The following AGTPBP1 variants were observed in gnomAD, a reference collection of about 807,000 sequenced individuals.
AGTPBP1 encodes the protein cytosolic carboxypeptidase 1.
Under a neutral mutation model 143.9 loss-of-function variants are expected in AGTPBP1, and 70 were observed. The ratio of observed to expected loss-of-function variants is 0.49; its 90% CI spans 0.40 to 0.59. The LOEUF (loss-of-function observed/expected upper bound fraction) is 0.59, where lower values mean the gene tolerates loss of function less well. AGTPBP1 is among the 20% of genes least tolerant of loss of function. AGTPBP1 has a pLI of 0.00. For missense variants in AGTPBP1, 1,229 were observed against 1,464.5 expected (o/e 0.84, Z 2.62); for synonymous variants, 463 against 500.2 (o/e 0.93, Z 0.99).
intron 2 of AGTPBP1, among the ~76,000 whole-genome samples, chr9:85,697,427 G>A (rs1166845346): frequency 4.0e-5 from 6 of 148,716 alleles, no homozygotes; most frequent in Non-Finnish European, 8.9e-5. Flanking sequence ...ATAAATTATG[G>A]GTCTTAATTT....
chr9:85,774,217 C>CTATT, the AGTPBP1 span, among the ~76,000 whole-genome samples: 5 of 152,156 alleles, frequency 3.3e-5, no homozygotes, highest in Admixed American at 2.6e-4. Flanking sequence ...TGTTGTAGGG[C>CTATT]TATTCATGCT....
intron 17 of AGTPBP1, among the ~76,000 whole-genome samples, chr9:85,599,002 G>A (rs1039696923): frequency 4.6e-5 from 7 of 152,164 alleles, no homozygotes; most frequent in Admixed American, 2.0e-4. Context: ...GATTACAGGC[G>A]TGAGCCACCG....
At chr9:85,771,871 A>G in the AGTPBP1 span, among the ~76,000 whole-genome samples, 5 of 151,714 alleles carry the variant, frequency 3.3e-5, no homozygotes, top group Admixed American at 3.3e-4. Flanking sequence ...TGTTAGACAG[A>G]GATGGTCTCG....
intron 1 of AGTPBP1, among the ~76,000 whole-genome samples, chr9:85,717,676 C>CTT (rs775415618): frequency 7.5e-4 from 101 of 135,568 alleles, no homozygotes; most frequent in African/African-American, 2.6e-3. Context: ...GATGAGTATC[C>CTT]TTTTTTTTTT....
At chr9:85,794,782 G>T in the AGTPBP1 span, among the ~76,000 whole-genome samples, 5 of 152,094 alleles carry the variant, frequency 3.3e-5, no homozygotes, top group African/African-American at 1.2e-4. Flanking sequence ...ATGAACATGG[G>T]CTGTCTTTCC....
At chr9:85,639,906 C>T (rs1014063928) in intron 13 of AGTPBP1, among the ~76,000 whole-genome samples, 1 of 152,202 alleles carries the variant, frequency 6.6e-6, no homozygotes, top group Non-Finnish European at 1.5e-5. Flanking sequence ...TAATACCATA[C>T]GTTGCCTTCG....
At chr9:85,793,170 T>C in the AGTPBP1 span, among the ~76,000 whole-genome samples, 1 of 152,166 alleles carries the variant, frequency 6.6e-6, no homozygotes, top group African/African-American at 2.4e-5. Context: ...TGGCCACCAG[T>C]TTTTGGCTAT....
At chr9:85,576,605 A>T (rs1486505720) in intron 24 of AGTPBP1, among the ~76,000 whole-genome samples, 1 of 152,216 alleles carries the variant, frequency 6.6e-6, no homozygotes, top group Non-Finnish European at 1.5e-5. Flanking sequence ...AAGAATACTG[A>T]CAGCCTAAAA....
At chr9:85,576,434 T>A (rs1048891598) in intron 24 of AGTPBP1, among the ~76,000 whole-genome samples, 1 of 152,218 alleles carries the variant, frequency 6.6e-6, no homozygotes, top group Non-Finnish European at 1.5e-5. Context: ...TTTACAGTTA[T>A]TTTTAAATTT....
At chr9:85,627,616 G>C (rs1481286695) in intron 14 of AGTPBP1, among the ~76,000 whole-genome samples, 1 of 152,124 alleles carries the variant, frequency 6.6e-6, no homozygotes, top group Non-Finnish European at 1.5e-5. Context: ...GAACAACACA[G>C]GTTTCAACTG....
intron 3 of AGTPBP1, among the ~76,000 whole-genome samples, chr9:85,686,888 C>G (rs1338285734): frequency 6.6e-6 from 1 of 152,042 alleles, no homozygotes; most frequent in East Asian, 1.9e-4. Flanking sequence ...AGCAAAATGG[C>G]AGATGTAAAT....
intron 23 of AGTPBP1, among the ~76,000 whole-genome samples, chr9:85,580,286 A>G (rs1284759881): frequency 1.3e-5 from 2 of 151,580 alleles, no homozygotes; most frequent in African/African-American, 4.8e-5. Context: ...TATATTTTCT[A>G]ATTTTTTGTT....
At chr9:85,584,719 T>A (rs1828496609) in intron 23 of AGTPBP1, among the ~76,000 whole-genome samples, 1 of 152,132 alleles carries the variant, frequency 6.6e-6, no homozygotes, top group Non-Finnish European at 1.5e-5. Flanking sequence ...AATGATCAAC[T>A]GGGGGCAGGA....
intron 3 of AGTPBP1, among the ~76,000 whole-genome samples, chr9:85,692,310 G>A (rs1032598482): frequency 9.0e-5 from 13 of 143,670 alleles, no homozygotes; most frequent in African/African-American, 3.1e-4. Context: ...GAGTCTTGCT[G>A]TCGCCCAGGC....
intron 3 of AGTPBP1, among the ~76,000 whole-genome samples, chr9:85,687,384 T>C (rs897209536): frequency 5.3e-5 from 8 of 152,188 alleles, no homozygotes; most frequent in African/African-American, 1.4e-4. Context: ...TTGATACTTA[T>C]AGAACACTTC....
At chr9:85,576,454 T>C (rs184591668) in intron 24 of AGTPBP1, among the ~76,000 whole-genome samples, 260 of 152,330 alleles carry the variant, frequency 1.7e-3, no homozygotes, top group Non-Finnish European at 2.9e-3. Flanking sequence ...TTTCAACTTT[T>C]TGGTTTAAAT....
At chr9:85,744,881 T>C (rs1168411565), upstream of AGTPBP1, among the ~76,000 whole-genome samples, 2 of 152,270 alleles carry the variant, frequency 1.3e-5, no homozygotes, top group Admixed American at 6.5e-5. Flanking sequence ...ATCATACTTT[T>C]ATCTCTCTAC....
intron 13 of AGTPBP1, among the ~76,000 whole-genome samples, chr9:85,634,193 C>CA (rs112565067): frequency 0.22 from 12,054 of 54,872 alleles, 1,293 homozygotes; most frequent in African/African-American, 0.3. Flanking sequence ...GACTCTCTCT[C>CA]AAAAAAAAAA....
chr9:85,752,049 T>TA, the AGTPBP1 span, among the ~76,000 whole-genome samples: 1 of 151,456 alleles, frequency 6.6e-6, no homozygotes, highest in Non-Finnish European at 1.5e-5. Context: ...GCCAACATGG[T>TA]AAAACCCTAT....
Sources: allele counts gnomAD v4.1 joint callset (sites outside exome capture counted in the v4.1 genomes callset), GRCh38; gene constraint gnomAD v4.1.1; transcripts MANE v1.5; gene names NCBI Gene and HGNC (gene_info 2026-07-23, HGNC 2026-07-21).